Variants in DTX1 observed in about 807,000 individuals in gnomAD.
The protein encoded by DTX1 is deltex E3 ubiquitin ligase 1, also known as E3 ubiquitin-protein ligase DTX1.
In DTX1, 26 loss-of-function variants were observed where a neutral mutation model predicts 57.8. The ratio of observed to expected loss-of-function variants is 0.45; its 90% CI spans 0.33 to 0.62. The LOEUF (loss-of-function observed/expected upper bound fraction) is 0.62. Ranked by LOEUF, DTX1 falls within the 20% of genes least tolerant of loss-of-function variation. The pLI, the probability that DTX1 is intolerant of heterozygous loss-of-function variation, is 0.02. For synonymous variants in DTX1, 398 were observed against 394.1 expected, an observed-to-expected ratio of 1.01 and a Z score of -0.12; for missense variants, 704 against 895.3, an observed-to-expected ratio of 0.79 and a Z score of 2.73.
At chr12:113,076,409 G>T (rs1183557946) in intron 2 of DTX1, among the ~76,000 whole-genome samples, 1 of 148,392 alleles carries the variant, frequency 6.7e-6, no homozygotes. Context: ...ATTGAGCCTA[G>T]ATTGTGCCAC....
At chr12:113,075,979 A>G (rs1014284453) in intron 2 of DTX1, among the ~76,000 whole-genome samples, 3 of 151,798 alleles carry the variant, frequency 2.0e-5, no homozygotes, top group African/African-American at 7.3e-5. Flanking sequence ...GACAGACAGA[A>G]ACCAAGATAA....
intron 3 of DTX1, among the ~76,000 whole-genome samples, chr12:113,092,022 A>G (rs980587968): frequency 1.3e-5 from 2 of 152,222 alleles, no homozygotes; most frequent in Non-Finnish European, 2.9e-5. Flanking sequence ...GCTCTCCTTC[A>G]GTCCTCCCAA....
At chr12:113,084,643 C>T (rs977363961) in intron 3 of DTX1, among the ~76,000 whole-genome samples, 1 of 152,212 alleles carries the variant, frequency 6.6e-6, no homozygotes, top group African/African-American at 2.4e-5. Context: ...CCTTGGCCTC[C>T]CAAAGCACTG....
Position 113,094,810 on chromosome 12 carries a change from C to G in DTX1, c.1249C>G (p.Arg417Gly). Residue 417 changes from arginine to glycine, a missense_variant, in exon 7 of 10, where the codon CGA (arginine) becomes GGA (glycine). Around this residue, in one of 3 missense-constraint regions of DTX1, gnomAD observed 299 missense variants for 311.2 expected, o/e 0.96. Transcript: ENST00000548759. Reference sequence around the variant, plus strand: ...GCAGGACTGCACCATCTGCATGGAGCGACTGGTCACAGCATCAGGCTACGA... The same window carrying G: ...GCAGGACTGCACCATCTGCATGGAGGGACTGGTCACAGCATCAGGCTACGA... ...PDEDCTICME[R>G]LVTASGYEGV... The G allele has an allele frequency of 1.2e-6, 2 of 1,613,732 alleles. No individual in the cohort carries two copies. The highest frequency in any genetic ancestry group is 2.2e-5 in the South Asian group (2 of 91,058).
intron 1 of DTX1, among the ~76,000 whole-genome samples, 196 bp downstream of exon 1, chr12:113,057,140 C>T (rs899168613): frequency 2.0e-5 from 3 of 152,108 alleles, no homozygotes; most frequent in South Asian, 2.1e-4. Context: ...GCCGCGCATC[C>T]CCGTGCTTCC....
At chr12:113,062,755 A>G (rs956350057) in intron 2 of DTX1, among the ~76,000 whole-genome samples, 9 of 152,238 alleles carry the variant, frequency 5.9e-5, no homozygotes, top group African/African-American at 2.2e-4. Flanking sequence ...AGCGGAAGAA[A>G]GCCCCGGTGT....
chr12:113,095,098 G>C lies in DTX1; in HGVS notation c.1443G>C (p.Thr481=), dbSNP rs141628130. The stretch of plus-strand genomic sequence containing the variant: ...CCATCTACGGGGAGAAGACGGGTAC[G>C]CAGCCGCCTGGGAAGATGGAGTTCC... The part of the protein sequence containing the change: ...CKAIYGEKTG[T]QPPGKMEFHL... The change falls in exon 8 of 10, where the codon ACG becomes ACC. Residue 481 remains threonine (T), a synonymous_variant. Coordinates refer to ENST00000548759, the MANE Select transcript of DTX1 (RefSeq NM_004416.3). 6.2e-7 allele frequency: 1 copy of C among 1,613,644 alleles called. No individual in the cohort carries two copies. Among genetic ancestry groups the C allele is most frequent in the South Asian group, 1.1e-5 (1 of 91,080 alleles).
chr12:113,095,707 G>A, intron 9 of DTX1: 1 of 420,158 alleles, frequency 2.4e-6, no homozygotes, highest in East Asian at 4.0e-5. Context: ...TGGGATTTGA[G>A]CCCAGGCAGT....
chr12:113,067,883 A>C (rs1375338799), intron 2 of DTX1, among the ~76,000 whole-genome samples: 2 of 152,056 alleles, frequency 1.3e-5, no homozygotes, highest in Admixed American at 6.6e-5. Context: ...TAAAAACAAA[A>C]AAAAAAATAG....
chr12:113,077,710 C>T lies in DTX1; in HGVS notation c.546C>T (p.Gly182=). The T allele has an allele frequency of 1.3e-6, 2 of 1,542,114 alleles. No homozygotes were observed. The highest frequency in any genetic ancestry group is 1.7e-6 in the Non-Finnish European group (2 of 1,148,926). ...RLDLAYPLTV[G]SIPKSQSWPV... ...ACCTCGCCTACCCGCTCACCGTGGGCTCCATCCCTAAGTCGCAGTCGTGGC... is the reference window on the plus strand; with the variant it reads ...ACCTCGCCTACCCGCTCACCGTGGGTTCCATCCCTAAGTCGCAGTCGTGGC... Residue 182 remains glycine (G), a synonymous_variant, in exon 3 of 10, where the codon GGC becomes GGT. Transcript: ENST00000548759. This position sits in a 1 kb window ranked among gnomAD's most constrained non-coding sequence, Gnocchi z 7.8.
Position 113,093,237 on chromosome 12 carries a change from C to CAGGGCGGGAAAGA in DTX1, c.1003+23_1003+35dup. On this transcript the variant is annotated intron_variant, in intron 4 of 9. Coordinates refer to ENST00000548759, the MANE Select transcript of DTX1 (RefSeq NM_004416.3). The surrounding 1 kb of genome is among the most constrained non-coding windows in gnomAD (Gnocchi z 4.2). The stretch of plus-strand genomic sequence containing the variant: ...CGGCCCTGGCAGGTGAGGTCTGGCC[C>CAGGGCGGGAAAGA]AGGGCGGGAAAGAAGGGCGGGGCCC... 6.3e-7 allele frequency: 1 copy of CAGGGCGGGAAAGA among 1,586,676 alleles called. No homozygotes were observed. Among genetic ancestry groups the CAGGGCGGGAAAGA allele is most frequent in the East Asian group, 2.3e-5 (1 of 43,340 alleles).
In DTX1 at chr12:113,093,089, A is replaced by G; in HGVS notation, c.942-73A>G. 2.7e-6 allele frequency: 4 copies of G among 1,498,910 alleles called. No homozygotes were observed. Among genetic ancestry groups the G allele is most frequent in the Non-Finnish European group, 3.6e-6 (4 of 1,100,768 alleles). The allele number at this position is 1,498,910 out of a possible 1,614,324, so 92.9% of individuals were successfully genotyped here. On this transcript the variant is annotated intron_variant, in intron 3 of 9. Transcript: ENST00000548759. The surrounding 1 kb of genome is among the most constrained non-coding windows in gnomAD (Gnocchi z 4.2). ...TGTGTGGCCCAGGAGCCAGAGACAGAAGGCAAGCCAGGTCCCCTGACGTCG... is the reference window on the plus strand; with the variant it reads ...TGTGTGGCCCAGGAGCCAGAGACAGGAGGCAAGCCAGGTCCCCTGACGTCG...
chr12:113,071,776 G>A (rs568455064), intron 2 of DTX1, among the ~76,000 whole-genome samples: 7 of 152,386 alleles, frequency 4.6e-5, no homozygotes, highest in Admixed American at 1.3e-4. Flanking sequence ...AGAGGCGGAC[G>A]GATGGGCAGG....
In DTX1 at chr12:113,095,385, T is replaced by C; in HGVS notation, c.1609T>C (p.Tyr537His). Reference protein sequence around the residue: ...FTARGFPRHCYLPNNEKGRKV... With the variant: ...FTARGFPRHCHLPNNEKGRKV... ...CGCAAGAGGATTCCCTCGCCACTGCTATCTACCCAACAACGAGAAAGGCCG... is the reference window on the plus strand; with the variant it reads ...CGCAAGAGGATTCCCTCGCCACTGCCATCTACCCAACAACGAGAAAGGCCG... Residue 537 changes from tyrosine (Y) to histidine (H), a missense_variant, in exon 9 of 10, where the codon TAT becomes CAT. By Grantham distance (83) the Tyr-to-His change is moderately conservative (BLOSUM62 2). Around this residue, in one of 3 missense-constraint regions of DTX1, gnomAD observed 168 missense variants for 255.6 expected, o/e 0.66. Transcript: ENST00000548759. 1 of 1,614,202 alleles carries C rather than the reference T, an allele frequency of 6.2e-7. No individual in the cohort carries two copies. The highest frequency in any genetic ancestry group is 8.5e-7 in the Non-Finnish European group (1 of 1,180,034).
At chr12:113,095,653 G>A in intron 9 of DTX1, 1 of 538,764 alleles carries the variant, frequency 1.9e-6, no homozygotes, top group Non-Finnish European at 3.3e-6. Flanking sequence ...TTCAGAAAGG[G>A]CAAGTCACTT....
intron 3 of DTX1, among the ~76,000 whole-genome samples, chr12:113,092,913 A>T (rs1425354297): frequency 6.6e-6 from 1 of 152,194 alleles, no homozygotes; most frequent in Admixed American, 6.5e-5. Flanking sequence ...GCTGTAGGGT[A>T]AGGAGGTGTC....
chr12:113,094,106 A>C lies in DTX1; in HGVS notation c.1227+7A>C. ...GAAAAACCCACCTGATGAGGTGAGG[A>C]GGGGATGGGGGGGCTGGGGGAGGGC... On this transcript the variant is annotated splice_region_variant and intron_variant, in intron 6 of 9. Coordinates refer to ENST00000548759, the MANE Select transcript of DTX1 (RefSeq NM_004416.3). 1.9e-6 allele frequency: 1 copy of C among 524,688 alleles called. No individual in the cohort carries two copies. Among genetic ancestry groups the C allele is most frequent in the Non-Finnish European group, 3.4e-6 (1 of 294,714 alleles). 32.5% of individuals were successfully genotyped at this position (524,688 alleles called of 1,614,324 possible). A position where few individuals can be genotyped will look rare whatever the true frequency, so the allele number is the denominator to read the frequency against.
intron 2 of DTX1, among the ~76,000 whole-genome samples, chr12:113,070,821 C>T (rs1371378862): frequency 6.6e-6 from 1 of 152,206 alleles, no homozygotes; most frequent in Non-Finnish European, 1.5e-5. Context: ...TGGCATCATT[C>T]CCAGCCCTCT....
chr12:113,077,558 G>T lies in DTX1; in HGVS notation c.394G>T (p.Ala132Ser). 1 of 1,613,834 alleles carries T rather than the reference G, an allele frequency of 6.2e-7. No homozygotes were observed. The highest frequency in any genetic ancestry group is 1.7e-5 in the Admixed American group (1 of 60,028). The stretch of plus-strand genomic sequence containing the variant: ...GGACATCTGCATCACCATCCAGAAC[G>T]CCTACGAGAAGCAGCACCCGTGGCT... ...DMDICITIQN[A>S]YEKQHPWLDL... is the part of the protein sequence containing the mutation. Residue 132 changes from alanine (A) to serine (S), a missense_variant, in exon 3 of 10, where the codon GCC (alanine) becomes TCC (serine). Physicochemically the swap from Ala to Ser is moderately conservative, Grantham distance 99. Around this residue, in one of 3 missense-constraint regions of DTX1, gnomAD observed 237 missense variants for 328.6 expected, o/e 0.72. Coordinates refer to ENST00000548759, the MANE Select transcript of DTX1 (RefSeq NM_004416.3). This position sits in a 1 kb window ranked among gnomAD's most constrained non-coding sequence, Gnocchi z 7.8.
Sources: gnomAD v4.1 joint callset for allele counts (sites outside exome capture counted in the v4.1 genomes callset) on GRCh38, gnomAD v4.1.1 for gene constraint, gnomAD v4.1.1 regional missense constraint, Gnocchi (gnomAD v3.1) non-coding constraint, MANE v1.5 for transcripts, NCBI Gene and HGNC (gene_info 2026-07-23, HGNC 2026-07-21) for gene names.